The following CHI3L1 variants were observed in gnomAD, a reference collection of about 807,000 sequenced individuals.
CHI3L1 encodes chitinase 3 like 1.
In CHI3L1, 30 loss-of-function variants were observed where a neutral mutation model predicts 40.7. The ratio of observed to expected loss-of-function variants is 0.74; its 90% CI spans 0.55 to 1.00. The LOEUF is 1.00. Among genes scored for constraint, CHI3L1 ranks in the 50% least tolerant of loss-of-function variants. The pLI is 0.00. For synonymous variants in CHI3L1, 210 were observed against 192.1 expected (o/e 1.09, Z -0.77); for missense variants, 493 against 492.2 (o/e 1.00, Z -0.01).
chr1:203,179,547 C>G lies in CHI3L1; in HGVS notation c.1050G>C (p.Met350Ile). 6.2e-7 allele frequency: 1 copy of G among 1,607,956 alleles called. No individual in the cohort carries two copies. Among genetic ancestry groups the G allele is most frequent in the Non-Finnish European group, 8.5e-7 (1 of 1,175,092 alleles). Reference protein sequence around the residue: ...YLKDRQLAGAMVWALDLDDFQ... With the variant: ...YLKDRQLAGAIVWALDLDDFQ... ...AGTCATCCAGGTCCAGGGCCCATACCATGGCGCCCGCCAGCTGCCTGTCCT... is the reference window on the plus strand; with the variant it reads ...AGTCATCCAGGTCCAGGGCCCATACGATGGCGCCCGCCAGCTGCCTGTCCT... Residue 350 changes from methionine (M) to isoleucine (I), a missense_variant, in exon 10 of 10, where the codon ATG becomes ATC. Coordinates refer to ENST00000255409, the MANE Select transcript of CHI3L1 (RefSeq NM_001276.4).
chr1:203,184,592 T>C lies in CHI3L1; in HGVS notation c.298A>G (p.Asn100Asp). 1 of 1,614,032 alleles carries C rather than the reference T, an allele frequency of 6.2e-7. No individual in the cohort carries two copies. The highest frequency in any genetic ancestry group is 8.5e-7 in the Non-Finnish European group (1 of 1,179,910). The change falls in exon 4 of 10, where the codon AAC (asparagine) becomes GAC (aspartate). Residue 100 changes from asparagine to aspartate, a missense_variant. By Grantham distance (23) the Asn-to-Asp change is conservative (BLOSUM62 1). Transcript: ENST00000255409. ...GGCTCCTACCTTTGAGACCCAAAGT[T>C]CCATCCTCCGACAGACAAGAGAGTC... ...LKTLLSVGGW[N>D]FGSQRFSKIA...
Position 203,179,750 on chromosome 1 carries a change from G to C in CHI3L1, c.1011+11C>G, listed in dbSNP as rs770549262. The C allele has an allele frequency of 2.5e-6, 4 of 1,614,020 alleles. No homozygotes were observed. Among genetic ancestry groups the C allele is most frequent in the Admixed American group, 1.7e-5 (1 of 60,010 alleles). ...CTCTTTGTCCTGAGGTGTGGCCTTG[G>C]GGAAACCTACCTTGCTTTTGACGCT... is the stretch of plus-strand genomic sequence containing the variant. On this transcript the variant is annotated intron_variant, in intron 9 of 9. Transcript: ENST00000255409.
At chr1:203,180,689 G>A (rs764658154) in intron 7 of CHI3L1, 37 bp from the exon 8 acceptor site, 1 of 1,513,714 alleles carries the variant, frequency 6.6e-7, no homozygotes, top group South Asian at 1.2e-5. Context: ...TGAGCAGTTA[G>A]TGCACAGGTG....
At position 203,179,580 on chromosome 1, in the gene CHI3L1, C is replaced by T. The variant is rs1337217970; in HGVS notation, c.1017G>A (p.Gln339=). The part of the protein sequence containing the change: ...DDQESVKSKV[Q]YLKDRQLAGA... ...CCGCCAGCTGCCTGTCCTTCAGGTA[C>T]TGCACCTGGCAGGGGAGGCCCAGAG... The change falls in exon 10 of 10, where the codon CAG becomes CAA. Residue 339 remains glutamine, a synonymous_variant. Transcript: ENST00000255409. 6.2e-7 allele frequency: 1 copy of T among 1,611,648 alleles called. No individual in the cohort carries two copies.
intron 8 of CHI3L1, 147 bp from the exon 9 acceptor site, chr1:203,180,024 C>A: frequency 1.4e-6 from 1 of 712,518 alleles, no homozygotes; most frequent in Non-Finnish European, 2.3e-6. Flanking sequence ...GCATGCATCA[C>A]ACAAGTTTAT....
chr1:203,182,672 C>G, intron 6 of CHI3L1, 59 bp downstream of exon 6: 2 of 1,604,796 alleles, frequency 1.2e-6, no homozygotes, highest in South Asian at 1.1e-5. Context: ...CTGGGGGTGG[C>G]GGGGAAACAG....
intron 6 of CHI3L1, chr1:203,181,865 C>T (rs1178443060): frequency 1.3e-5 from 2 of 152,478 alleles, no homozygotes; most frequent in African/African-American, 4.8e-5. Context: ...CCACCTTACC[C>T]CCACCACTTC....
chr1:203,179,755 A>C lies in CHI3L1; in HGVS notation c.1011+6T>G. ...TGTCCTGAGGTGTGGCCTTGGGGAA[A>C]CCTACCTTGCTTTTGACGCTTTCCT... On this transcript the variant is annotated splice_donor_region_variant and intron_variant, in intron 9 of 9. Transcript: ENST00000255409. The C allele has an allele frequency of 6.2e-7, 1 of 1,613,956 alleles. No homozygotes were observed. The highest frequency in any genetic ancestry group is 8.5e-7 in the Non-Finnish European group (1 of 1,179,992).
chr1:203,181,323 A>T (rs1264719223), intron 6 of CHI3L1, 38 bp from the exon 7 acceptor site: 2 of 1,608,012 alleles, frequency 1.2e-6, no homozygotes. Flanking sequence ...GCAGGAAATT[A>T]TTAATAGAAA....
rs1399989991 is a variant in CHI3L1 at position 203,182,731 on chromosome 1, T to C, written c.587A>G (p.Gln196Arg). 1 of 1,613,958 alleles carries C rather than the reference T, an allele frequency of 6.2e-7. No individual in the cohort carries two copies. The highest frequency in any genetic ancestry group is 1.7e-5 in the Admixed American group (1 of 60,016). ...AGGCTGCCTGGGGCAGGAGACTCAC[T>C]GGGATATCTTGGCAATGTCATAGCT... ...DSSYDIAKIS[Q>R]HLDFISIMTY... Residue 196 changes from glutamine (Q) to arginine (R), a missense_variant and splice_region_variant, in exon 6 of 10, where the codon CAA becomes CGA. Coordinates refer to ENST00000255409, the MANE Select transcript of CHI3L1 (RefSeq NM_001276.4).
At chr1:203,182,672 C>T (rs751152373) in intron 6 of CHI3L1, 59 bp downstream of exon 6, 184 of 1,604,674 alleles carry the variant, frequency 1.1e-4, no homozygotes, top group Admixed American at 1.5e-4. Flanking sequence ...CTGGGGGTGG[C>T]GGGGAAACAG....
intron 5 of CHI3L1, among the ~76,000 whole-genome samples, chr1:203,183,080 A>C (rs914373797): frequency 1.3e-5 from 2 of 152,092 alleles, no homozygotes; most frequent in African/African-American, 2.4e-5. Context: ...ACCCATCAGC[A>C]CTCAATTACT....
At position 203,180,406 on chromosome 1, in the gene CHI3L1, G is replaced by A. The variant is rs969309846; in HGVS notation, c.894+64C>T. 5.0e-6 allele frequency: 7 copies of A among 1,404,606 alleles called. No homozygotes were observed. In the African/African-American group the frequency reaches 5.9e-5, roughly 12 times the overall value. 87.0% of individuals were successfully genotyped at this position (1,404,606 alleles called of 1,614,324 possible). A position where few individuals can be genotyped will look rare whatever the true frequency, so the allele number is the denominator to read the frequency against. Reference sequence around the variant, plus strand: ...GGAGAAAAAGCAAGAACGTGGTGGGGAATCACCTTCCCCAGGGCTGCTGGT... The same window carrying A: ...GGAGAAAAAGCAAGAACGTGGTGGGAAATCACCTTCCCCAGGGCTGCTGGT... On this transcript the variant is annotated intron_variant, in intron 8 of 9. Coordinates refer to ENST00000255409, the MANE Select transcript of CHI3L1 (RefSeq NM_001276.4).
At chr1:203,182,425 G>A (rs1350920604) in intron 6 of CHI3L1, among the ~76,000 whole-genome samples, 3 of 152,250 alleles carry the variant, frequency 2.0e-5, no homozygotes, top group East Asian at 3.8e-4. Flanking sequence ...GCAATAGCTG[G>A]AGGGTTTGAA....
Position 203,179,450 on chromosome 1 carries a change from T to C in CHI3L1, c.1147A>G (p.Thr383Ala). 4 of 1,536,278 alleles carry C rather than the reference T, an allele frequency of 2.6e-6. No homozygotes were observed. The East Asian group carries it at 9.1e-5, about 35-fold the overall frequency. ...GCTGTGTGCAGAACAGAGGGCTACG[T>C]TGCAGCGAGTGCATCCTTGATGGCA... ...TNAIKDALAA[T>A] The change falls in exon 10 of 10, where the codon ACG (threonine) becomes GCG (alanine). Residue 383 changes from threonine (T) to alanine (A), a missense_variant. Transcript: ENST00000255409.
At chr1:203,184,675 A>C (rs1656018955) in intron 3 of CHI3L1, 43 bp from the exon 4 acceptor site, 19 of 1,557,286 alleles carry the variant, frequency 1.2e-5, no homozygotes, top group Non-Finnish European at 1.6e-5. Flanking sequence ...GTGGAATGAC[A>C]TTGTCATGAC....
intron 2 of CHI3L1, among the ~76,000 whole-genome samples, chr1:203,186,102 T>C (rs538824783): frequency 4.6e-5 from 7 of 152,200 alleles, no homozygotes; most frequent in Non-Finnish European, 7.3e-5. Context: ...TTAAAGTTTC[T>C]TATTTTGAGA....
chr1:203,186,423 A>AG, intron 1 of CHI3L1, 78 bp from the exon 2 acceptor site: 5 of 1,320,860 alleles, frequency 3.8e-6, no homozygotes, highest in South Asian at 1.2e-5. Flanking sequence ...AGCAACTGAG[A>AG]CCCACCTCCC....
Position 203,184,557 on chromosome 1 carries a change from C to T in CHI3L1, c.314+19G>A, listed in dbSNP as rs1656015006. The T allele has an allele frequency of 6.2e-7, 1 of 1,608,072 alleles. No homozygotes were observed. The highest frequency in any genetic ancestry group is 1.1e-5 in the South Asian group (1 of 90,972). ...TGCCATCATCCTCTGCCGTCCTGCC[C>T]CTGGGGAGAGGCTCCTACCTTTGAG... On this transcript the variant is annotated intron_variant, in intron 4 of 9. Transcript: ENST00000255409.
Sources: gnomAD v4.1 joint callset for allele counts (sites outside exome capture counted in the v4.1 genomes callset) on GRCh38, gnomAD v4.1.1 for gene constraint, MANE v1.5 for transcripts, NCBI Gene and HGNC (gene_info 2026-07-23, HGNC 2026-07-21) for gene names.